SNX29: variants seen among roughly 807,000 people sequenced by gnomAD.
The protein encoded by SNX29 is sorting nexin-29.
SNX29 carries 78 observed loss-of-function variants against 102.1 expected under a neutral mutation model. The observed-to-expected ratio is 0.76, with a 90% confidence interval of 0.64 to 0.92. The LOEUF (loss-of-function observed/expected upper bound fraction) is 0.92. Ranked by LOEUF, SNX29 falls within the 40% of genes least tolerant of loss-of-function variation. SNX29 has a pLI of 0.00. For missense variants in SNX29, 1,280 were observed against 1,061.7 expected (o/e 1.21, Z -2.86); for synonymous variants, 580 against 414.5 (o/e 1.40, Z -4.85).
intron 14 of SNX29, among the ~76,000 whole-genome samples, chr16:12,246,786 A>G (rs914345798): frequency 5.3e-5 from 8 of 152,190 alleles, no homozygotes; most frequent in African/African-American, 1.7e-4. Flanking sequence ...GTCACTGGCA[A>G]TAGTAACAGC....
chr16:12,369,748 C>T (rs1177149159), intron 16 of SNX29, among the ~76,000 whole-genome samples: 2 of 152,212 alleles, frequency 1.3e-5, no homozygotes, highest in Non-Finnish European at 2.9e-5. Flanking sequence ...ATAATAACCA[C>T]ATGATTATGT....
At chr16:12,160,462 T>A (rs1340705182) in intron 13 of SNX29, among the ~76,000 whole-genome samples, 1 of 152,206 alleles carries the variant, frequency 6.6e-6, no homozygotes, top group African/African-American at 2.4e-5. Context: ...TAAAAATAAC[T>A]TGGTGTTATT....
Position 12,061,563 on chromosome 16 carries a change from A to C in SNX29, c.1160A>C (p.His387Pro), listed in dbSNP as rs753861109. The change falls in exon 9 of 21, where the codon CAC becomes CCC. Residue 387 changes from histidine to proline, a missense_variant. Transcript: ENST00000566228. Reference protein sequence around the residue: ...LEGNTCLSQMHSWAPLKVLHN... With the variant: ...LEGNTCLSQMPSWAPLKVLHN... ...GGGAACACCTGCCTCTCCCAGATGC[A>C]CAGCTGGGCTCCGCTGAAGGTGCTG... 1 of 1,610,230 alleles carries C rather than the reference A, an allele frequency of 6.2e-7. No individual in the cohort carries two copies. Among genetic ancestry groups the C allele is most frequent in the Non-Finnish European group, 8.5e-7 (1 of 1,178,714 alleles).
In SNX29 at chr16:12,276,633, A is replaced by G. The variant is rs531586287; in HGVS notation, c.1679-1300A>G. Among the ~76,000 whole-genome samples, 6 of 152,298 alleles carry G rather than the reference A, an allele frequency of 3.9e-5. No homozygotes were observed. The South Asian group carries it at 1.2e-3, about 32-fold the overall frequency. On this transcript the variant is annotated intron_variant, in intron 14 of 20. Coordinates refer to ENST00000566228, the MANE Select transcript of SNX29 (RefSeq NM_032167.5). ...ACACACAGGAAACTGATCCTGCATCATTGATGCTTGTTTTGAGGCTTGAGG... is the reference window on the plus strand; with the variant it reads ...ACACACAGGAAACTGATCCTGCATCGTTGATGCTTGTTTTGAGGCTTGAGG...
intron 19 of SNX29, among the ~76,000 whole-genome samples, chr16:12,479,606 G>A (rs777662404): frequency 1.1e-4 from 16 of 152,196 alleles, no homozygotes; most frequent in Non-Finnish European, 2.2e-4. Flanking sequence ...TCATAGCAAA[G>A]AGTACAAGAA....
At chr16:12,288,874 A>C (rs1300265732) in intron 15 of SNX29, among the ~76,000 whole-genome samples, 2 of 152,132 alleles carry the variant, frequency 1.3e-5, no homozygotes, top group African/African-American at 4.8e-5. Flanking sequence ...TAGCATAGGT[A>C]GAAGCAAGAT....
chr16:12,558,209 A>G (rs1039962443), intron 20 of SNX29, among the ~76,000 whole-genome samples: 1 of 123,398 alleles, frequency 8.1e-6, no homozygotes, highest in African/African-American at 3.2e-5. Context: ...CTCCAGCAGA[A>G]CCATCACAGA....
At chr16:12,387,288 G>A (rs1195505283) in intron 16 of SNX29, among the ~76,000 whole-genome samples, 2 of 152,146 alleles carry the variant, frequency 1.3e-5, no homozygotes, top group Non-Finnish European at 2.9e-5. Context: ...AATGGTCCTA[G>A]GAGAGGCCGA....
chr16:11,999,455 C>G lies in SNX29; in HGVS notation c.69+97C>G, dbSNP rs1449028197. 7.0e-6 allele frequency: 8 copies of G among 1,139,164 alleles called. No individual in the cohort carries two copies. In the Admixed American group the frequency reaches 1.7e-4, roughly 24 times the overall value. 70.6% of individuals were successfully genotyped at this position (1,139,164 alleles called of 1,614,324 possible). On this transcript the variant is annotated intron_variant, in intron 2 of 20. Coordinates refer to ENST00000566228, the MANE Select transcript of SNX29 (RefSeq NM_032167.5). ...CCCTATAACATACACAGACTAACTC[C>G]CACTTTATACCTGGGAACAGTGAAG...
chr16:12,442,266 C>T (rs2085841181), intron 18 of SNX29, among the ~76,000 whole-genome samples: 1 of 152,168 alleles, frequency 6.6e-6, no homozygotes, highest in South Asian at 2.1e-4. Context: ...TTGACTCTGT[C>T]CCTTGCATCT....
chr16:12,369,556 G>A (rs986958671), intron 16 of SNX29, among the ~76,000 whole-genome samples: 2 of 152,194 alleles, frequency 1.3e-5, no homozygotes, highest in Non-Finnish European at 2.9e-5. Context: ...ACATGGTCAG[G>A]TGATGACACT....
intron 18 of SNX29, among the ~76,000 whole-genome samples, chr16:12,433,490 G>A (rs948118654): frequency 6.6e-6 from 1 of 152,052 alleles, no homozygotes; most frequent in Non-Finnish European, 1.5e-5. Context: ...AATTAGCCTG[G>A]CGTGGTGGCA....
chr16:12,387,832 C>T (rs2083390108), intron 16 of SNX29, among the ~76,000 whole-genome samples: 1 of 152,162 alleles, frequency 6.6e-6, no homozygotes, highest in Non-Finnish European at 1.5e-5. Context: ...ACTTCCATGC[C>T]TCCATGCCTG....
At chr16:12,511,619 C>A (rs542957230) in intron 19 of SNX29, among the ~76,000 whole-genome samples, 1 of 152,158 alleles carries the variant, frequency 6.6e-6, no homozygotes, top group East Asian at 1.9e-4. Context: ...TTAGGCACAT[C>A]GTCATTGTAG....
chr16:12,338,068 G>A (rs557066833), intron 15 of SNX29, among the ~76,000 whole-genome samples: 12 of 152,256 alleles, frequency 7.9e-5, no homozygotes, highest in African/African-American at 2.4e-4. Flanking sequence ...TCCTGGAACC[G>A]GTGTTTGGCT....
At chr16:12,324,394 C>T (rs1219129744) in intron 15 of SNX29, among the ~76,000 whole-genome samples, 1 of 151,738 alleles carries the variant, frequency 6.6e-6, no homozygotes, top group Non-Finnish European at 1.5e-5. Flanking sequence ...TGATTCTCGC[C>T]CTGTGGAAAT....
chr16:12,474,010 C>T (rs903766228), intron 18 of SNX29, among the ~76,000 whole-genome samples: 1 of 152,170 alleles, frequency 6.6e-6, no homozygotes, highest in Non-Finnish European at 1.5e-5. Context: ...ACTCTACAGA[C>T]TCGCCGTAAA....
In SNX29 at chr16:12,477,989, TA is replaced by T. The variant is rs1430845990; in HGVS notation, c.2178+131del. The T allele has an allele frequency of 2.6e-5, 29 of 1,115,850 alleles. No homozygotes were observed. In the East Asian group the frequency reaches 7.6e-4, roughly 29 times the overall value. The allele number at this position is 1,115,850 out of a possible 1,614,324, so 69.1% of individuals were successfully genotyped here. ...AAAGTTGGTGGAGATAAGAAAAAAATAGAGAAAAGAAATAGCCATTCATAAT... is the reference window on the plus strand; with the variant it reads ...AAAGTTGGTGGAGATAAGAAAAAAATGAGAAAAGAAATAGCCATTCATAAT... On this transcript the variant is annotated intron_variant, in intron 19 of 20. Coordinates refer to ENST00000566228, the MANE Select transcript of SNX29 (RefSeq NM_032167.5).
intron 11 of SNX29, among the ~76,000 whole-genome samples, chr16:12,116,770 G>A (rs1452274730): frequency 6.6e-6 from 1 of 152,204 alleles, no homozygotes; most frequent in Non-Finnish European, 1.5e-5. Flanking sequence ...ATGAACCGTG[G>A]AAACAGGCTT....
Sources: allele counts gnomAD v4.1 joint callset (sites outside exome capture counted in the v4.1 genomes callset), GRCh38; gene constraint gnomAD v4.1.1; transcripts MANE v1.5; gene names NCBI Gene and HGNC (gene_info 2026-07-23, HGNC 2026-07-21).